Variants in ACBD6 observed in about 807,000 individuals in gnomAD.
ACBD6 encodes the protein acyl-CoA-binding domain-containing protein 6.
A neutral mutation model predicts 37.2 loss-of-function variants in ACBD6; 28 were observed. The observed-to-expected ratio is 0.75, with a 90% confidence interval of 0.56 to 1.03. The LOEUF is 1.03. Among genes scored for constraint, ACBD6 ranks in the 50% least tolerant of loss-of-function variants. The pLI is 0.00. For synonymous variants in ACBD6, 113 were observed against 126.8 expected (o/e 0.89, Z 0.73); for missense variants, 340 against 337.4 (o/e 1.01, Z -0.06).
At chr1:180,377,879 G>A (rs958488514) in intron 6 of ACBD6, among the ~76,000 whole-genome samples, 10 of 151,828 alleles carry the variant, frequency 6.6e-5, no homozygotes, top group Non-Finnish European at 1.0e-4. Flanking sequence ...CCCGGGAGGC[G>A]GAGGTTGCAG....
intron 4 of ACBD6, among the ~76,000 whole-genome samples, chr1:180,428,468 C>A (rs1035718691): frequency 6.6e-6 from 1 of 152,118 alleles, no homozygotes; most frequent in African/African-American, 2.4e-5. Context: ...ATTCTAAATA[C>A]TGATTTAAAT....
rs535678577 is a variant in ACBD6 at position 180,332,398 on chromosome 1, G to GT, written c.664-17677dup. On this transcript the variant is annotated intron_variant, in intron 6 of 7. Transcript: ENST00000367595. The stretch of plus-strand genomic sequence containing the variant: ...TAGGAACTGGGCTACACAACAGGAG[G>GT]TGAGTGGCAGGCAAGTGAGCAAAGC... Among the ~76,000 whole-genome samples, 366 of 152,142 alleles carry GT rather than the reference G, an allele frequency of 2.4e-3. 1 individual carries two copies. The highest frequency in any genetic ancestry group is 5.8e-3 in the African/African-American group (243 of 41,544).
intron 6 of ACBD6, among the ~76,000 whole-genome samples, chr1:180,390,367 T>G (rs1354240127): frequency 1.4e-5 from 2 of 148,102 alleles, no homozygotes; most frequent in South Asian, 2.1e-4. Context: ...TCTATATCTC[T>G]GTTTTGGTAC....
Position 180,465,671 on chromosome 1 carries a change from G to A in ACBD6, c.384+26598C>T, listed in dbSNP as rs891626109. ...TAATCTCATTACTGGGTATATACCCGGAGGAATATAAAGCATTTTACCCAA... is the reference window on the plus strand; with the variant it reads ...TAATCTCATTACTGGGTATATACCCAGAGGAATATAAAGCATTTTACCCAA... On this transcript the variant is annotated intron_variant, in intron 3 of 7. Transcript: ENST00000367595. Among the ~76,000 whole-genome samples, 35 of 151,996 alleles carry A rather than the reference G, an allele frequency of 2.3e-4. 1 individual carries two copies. Among genetic ancestry groups the A allele is most frequent in the Admixed American group, 1.9e-3 (29 of 15,240 alleles).
chr1:180,456,450 C>T (rs1269452280), intron 3 of ACBD6, among the ~76,000 whole-genome samples: 2 of 152,076 alleles, frequency 1.3e-5, no homozygotes, highest in African/African-American at 2.4e-5. Context: ...ACAGTAATTG[C>T]TCTGGTATTT....
Position 180,338,682 on chromosome 1 carries a change from T to G in ACBD6, c.664-23960A>C, listed in dbSNP as rs578042324. On this transcript the variant is annotated intron_variant, in intron 6 of 7. Coordinates refer to ENST00000367595, the MANE Select transcript of ACBD6 (RefSeq NM_032360.4). The stretch of plus-strand genomic sequence containing the variant: ...CAAAAGCCAAAATTGACAAATGGGA[T>G]CTAATTAAAAACTAAAGAGCTTCTG... Among the ~76,000 whole-genome samples, 27 of 152,188 alleles carry G rather than the reference T, an allele frequency of 1.8e-4. No individual in the cohort carries two copies. In the South Asian group the frequency reaches 3.3e-3, roughly 19 times the overall value.
intron 2 of ACBD6, 41 bp from the exon 3 acceptor site, chr1:180,492,406 A>G (rs374540523): frequency 3.9e-4 from 566 of 1,462,066 alleles, no homozygotes; most frequent in Non-Finnish European, 5.0e-4. Flanking sequence ...CATTATGCAA[A>G]TAACACAAAC....
intron 4 of ACBD6, among the ~76,000 whole-genome samples, chr1:180,429,337 T>C (rs1648722607): frequency 2.6e-5 from 4 of 152,214 alleles, no homozygotes; most frequent in Admixed American, 2.6e-4. Context: ...CTAAATACCT[T>C]ATGTAAGTAT....
intron 7 of ACBD6, among the ~76,000 whole-genome samples, chr1:180,297,892 C>G (rs1649984981): frequency 6.6e-6 from 1 of 152,156 alleles, no homozygotes; most frequent in Admixed American, 6.5e-5. Context: ...AGGTGCCCAC[C>G]ACCAAGCACA....
At chr1:180,365,035 T>C (rs757259105) in intron 6 of ACBD6, among the ~76,000 whole-genome samples, 5 of 152,128 alleles carry the variant, frequency 3.3e-5, no homozygotes, top group Non-Finnish European at 7.4e-5. Flanking sequence ...GCCTGGCCAA[T>C]TCCTACTTTT....
intron 6 of ACBD6, among the ~76,000 whole-genome samples, chr1:180,338,728 C>T (rs527714730): frequency 6.8e-4 from 103 of 152,170 alleles, no homozygotes; most frequent in Non-Finnish European, 1.3e-3. Context: ...GAAACTACCA[C>T]CAGAGTGAAT....
chr1:180,323,523 T>C (rs528803991), intron 6 of ACBD6, among the ~76,000 whole-genome samples: 89 of 152,206 alleles, frequency 5.8e-4, no homozygotes, highest in Admixed American at 1.5e-3. Context: ...TACTATTGTA[T>C]TGGGGTCTCT....
chr1:180,357,348 C>T (rs1052548541), intron 6 of ACBD6, among the ~76,000 whole-genome samples: 1 of 152,072 alleles, frequency 6.6e-6, no homozygotes, highest in Admixed American at 6.5e-5. Flanking sequence ...TTATGTTCCT[C>T]GATACAAATG....
chr1:180,275,675 T>A (rs1648984084), intron 9 of ACBD6: 1 of 151,576 alleles, frequency 6.6e-6, no homozygotes, highest in African/African-American at 2.4e-5. Context: ...GAACCAGCAA[T>A]TTTTTTTTGG....
In ACBD6 at chr1:180,502,246, G is replaced by T; in HGVS notation, c.21C>A (p.Pro7=). 1.9e-6 allele frequency: 3 copies of T among 1,613,544 alleles called. No individual in the cohort carries two copies. Among genetic ancestry groups the T allele is most frequent in the Non-Finnish European group, 8.5e-7 (1 of 1,180,036 alleles). Residue 7 remains proline (P), a synonymous_variant, in exon 1 of 8, where the codon CCC becomes CCA. Coordinates refer to ENST00000367595, the MANE Select transcript of ACBD6 (RefSeq NM_032360.4). ...CGCTGTCGCCGGTGATGGCCCCCGC[G>T]GGCAGGAATGATGAAGCCATGTCTC... The part of the protein sequence containing the change: MASSFL[P]AGAITGDSGG...
chr1:180,361,035 T>C (rs866748379), intron 6 of ACBD6, among the ~76,000 whole-genome samples: 1 of 152,170 alleles, frequency 6.6e-6, no homozygotes, highest in Admixed American at 6.5e-5. Flanking sequence ...AAGAGTGTCT[T>C]GATGGAATCA....
At chr1:180,336,978 G>T (rs190839944) in intron 6 of ACBD6, among the ~76,000 whole-genome samples, 1 of 152,128 alleles carries the variant, frequency 6.6e-6, no homozygotes, top group African/African-American at 2.4e-5. Flanking sequence ...TCTCTGAAGA[G>T]ACCAATAACA....
Position 180,271,288 on chromosome 1 carries a change from T to G in ACBD6, c.*1937A>C, listed in dbSNP as rs569788850. 2.3e-4 allele frequency: 326 copies of G among 1,424,586 alleles called. 1 individual carries two copies. In the Middle Eastern group the frequency reaches 6.0e-3, roughly 26 times the overall value. 88.2% of individuals were successfully genotyped at this position (1,424,586 alleles called of 1,614,324 possible). On this transcript the variant is annotated 3_prime_UTR_variant, in exon 14 of 14. Coordinates refer to the ACBD6 transcript ENST00000642319. ...GCTGTCCTGCCTACAGCAGGCAGGC[T>G]TAGGTGCAGAAAGGATGGAAGGGAG...
At chr1:180,351,088 C>T (rs1476326359) in intron 6 of ACBD6, among the ~76,000 whole-genome samples, 1 of 152,044 alleles carries the variant, frequency 6.6e-6, no homozygotes, top group Non-Finnish European at 1.5e-5. Flanking sequence ...TTTCTAGTAA[C>T]TACTCTTAAC....
Sources: gnomAD v4.1 joint callset for allele counts (sites outside exome capture counted in the v4.1 genomes callset) on GRCh38, gnomAD v4.1.1 for gene constraint, MANE v1.5 for transcripts, NCBI Gene and HGNC (gene_info 2026-07-23, HGNC 2026-07-21) for gene names.